RASGRF2: variants seen among roughly 807,000 people sequenced by gnomAD.
The protein encoded by RASGRF2 is ras-specific guanine nucleotide-releasing factor 2.
In RASGRF2, 76 loss-of-function variants were observed where a neutral mutation model predicts 151.0. The observed-to-expected ratio is 0.50, with a 90% CI of 0.42 to 0.61. The LOEUF is 0.61. Among genes scored for constraint, RASGRF2 ranks in the 20% least tolerant of loss-of-function variants. RASGRF2 has a pLI of 0.00. For missense variants in RASGRF2, 1,148 were observed against 1,564.6 expected (o/e 0.73, Z 4.49); for synonymous variants, 504 against 566.5 (o/e 0.89, Z 1.57).
chr5:81,216,703 G>C (rs1755747590), intron 24 of RASGRF2, among the ~76,000 whole-genome samples: 1 of 152,190 alleles, frequency 6.6e-6, no homozygotes, highest in Admixed American at 6.5e-5. Flanking sequence ...TTCAGAGAAT[G>C]TTCCCAGTAT....
intron 12 of RASGRF2, among the ~76,000 whole-genome samples, chr5:81,107,298 GT>G (rs1463639676): frequency 6.6e-6 from 1 of 151,950 alleles, no homozygotes; most frequent in Non-Finnish European, 1.5e-5. Flanking sequence ...GGAGTTTGAG[GT>G]TACGGTGAGC....
At position 81,219,706 on chromosome 5, in the gene RASGRF2, T is replaced by C. The variant is rs1755817606; in HGVS notation, c.3553-4T>C. 1 of 1,605,906 alleles carries C rather than the reference T, an allele frequency of 6.2e-7. No individual in the cohort carries two copies. Among genetic ancestry groups the C allele is most frequent in the Non-Finnish European group, 8.5e-7 (1 of 1,172,806 alleles). ...TCATTTTGTTTTGTTTTTTTCTCTGTTAGATATCACACATCATCAGAGAGA... is the reference window on the plus strand; with the variant it reads ...TCATTTTGTTTTGTTTTTTTCTCTGCTAGATATCACACATCATCAGAGAGA... On this transcript the variant is annotated splice_polypyrimidine_tract_variant and splice_region_variant and intron_variant, in intron 25 of 26. Transcript: ENST00000265080.
chr5:81,216,856 G>A, intron 24 of RASGRF2: 1 of 367,022 alleles, frequency 2.7e-6, no homozygotes, highest in South Asian at 2.1e-5. Context: ...ACCTTAGTCT[G>A]AGTTGTGATG....
chr5:81,050,449 T>G (rs867026115), intron 2 of RASGRF2, among the ~76,000 whole-genome samples: 1 of 152,146 alleles, frequency 6.6e-6, no homozygotes, highest in Non-Finnish European at 1.5e-5. Flanking sequence ...CACTGATATT[T>G]ATTGCTTCCC....
intron 17 of RASGRF2, among the ~76,000 whole-genome samples, chr5:81,150,094 G>C (rs970932749): frequency 6.6e-6 from 1 of 152,168 alleles, no homozygotes; most frequent in East Asian, 1.9e-4. Flanking sequence ...CTGGTGTCTG[G>C]TGATTTGGCA....
intron 1 of RASGRF2, among the ~76,000 whole-genome samples, chr5:81,028,652 A>G (rs1016855865): frequency 2.0e-5 from 3 of 152,226 alleles, no homozygotes; most frequent in African/African-American, 7.2e-5. Flanking sequence ...GAAAATAAAA[A>G]ATTTGCTATT....
At chr5:81,215,778 C>T (rs939403433) in intron 23 of RASGRF2, 98 bp from the exon 24 acceptor site, 6 of 1,343,906 alleles carry the variant, frequency 4.5e-6, no homozygotes, top group Admixed American at 3.7e-5. Context: ...GGTGTCAGCA[C>T]CTGTCACCAA....
At chr5:81,046,844 G>A in intron 2 of RASGRF2, among the ~76,000 whole-genome samples, 1 of 152,098 alleles carries the variant, frequency 6.6e-6, no homozygotes, top group South Asian at 2.1e-4. Context: ...CATGGACCAA[G>A]CAAAGTATCA....
intron 17 of RASGRF2, among the ~76,000 whole-genome samples, chr5:81,131,556 T>C (rs965894290): frequency 1.3e-5 from 2 of 152,182 alleles, no homozygotes; most frequent in South Asian, 2.1e-4. Flanking sequence ...GGTTTCACCA[T>C]GTTGGCCAGG....
intron 17 of RASGRF2, among the ~76,000 whole-genome samples, chr5:81,152,277 C>T (rs774547954): frequency 2.0e-5 from 3 of 152,190 alleles, no homozygotes; most frequent in Non-Finnish European, 4.4e-5. Context: ...GCTGAGATTA[C>T]AGGCATGAAC....
At position 81,155,213 on chromosome 5, in the gene RASGRF2, A is replaced by G. The variant is rs570303045; in HGVS notation, c.2687-24962A>G. Among the ~76,000 whole-genome samples the G allele has an allele frequency of 2.0e-5, 3 of 152,328 alleles. No individual in the cohort carries two copies. In the East Asian group the frequency reaches 5.8e-4, roughly 29 times the overall value. On this transcript the variant is annotated intron_variant, in intron 17 of 26. Transcript: ENST00000265080. The stretch of plus-strand genomic sequence containing the variant: ...ATATCTACATTAGAGAAGAAAAATG[A>G]TCTCGAATCAGTCATTTAAGTTTCC...
intron 23 of RASGRF2, 39 bp from the exon 24 acceptor site, chr5:81,215,837 A>G: frequency 6.7e-7 from 1 of 1,484,806 alleles, no homozygotes; most frequent in Admixed American, 2.7e-5. Context: ...TTTAAACCAT[A>G]GTATTTTCAT....
intron 1 of RASGRF2, among the ~76,000 whole-genome samples, chr5:81,036,326 C>A (rs1246034620): frequency 3.3e-5 from 5 of 152,012 alleles, no homozygotes; most frequent in African/African-American, 1.2e-4. Context: ...TCCCACTCTC[C>A]TGTTCTGTAT....
intron 1 of RASGRF2, among the ~76,000 whole-genome samples, chr5:80,995,397 TATACAC>T (rs57873549): frequency 0.39 from 41,172 of 106,832 alleles, 5,839 homozygotes; most frequent in Admixed American, 0.48. Context: ...TATATATATA[TATACAC>T]ACACACACAC....
intron 1 of RASGRF2, among the ~76,000 whole-genome samples, chr5:80,989,688 C>T (rs1449299246): frequency 6.6e-6 from 1 of 152,166 alleles, no homozygotes; most frequent in East Asian, 1.9e-4. Context: ...AGGGAGCTAG[C>T]CTGCTCTCCT....
At chr5:81,122,470 T>C (rs1753335690) in intron 15 of RASGRF2, among the ~76,000 whole-genome samples, 1 of 152,238 alleles carries the variant, frequency 6.6e-6, no homozygotes, top group Non-Finnish European at 1.5e-5. Flanking sequence ...TTCCTTTTCC[T>C]GGCCCCTTTG....
At chr5:81,088,359 G>A (rs1272086217) in intron 9 of RASGRF2, 1 of 152,288 alleles carries the variant, frequency 6.6e-6, no homozygotes. Context: ...CAGTTAGAAT[G>A]GATTTACCTT....
chr5:80,967,784 C>T (rs1476824695), intron 1 of RASGRF2, among the ~76,000 whole-genome samples: 1 of 152,118 alleles, frequency 6.6e-6, no homozygotes, highest in African/African-American at 2.4e-5. Flanking sequence ...GTCTAAGGCT[C>T]AGTAGATAAC....
intron 18 of RASGRF2, among the ~76,000 whole-genome samples, chr5:81,185,524 C>T (rs1173619197): frequency 2.0e-5 from 3 of 152,128 alleles, no homozygotes; most frequent in Non-Finnish European, 4.4e-5. Context: ...ACAGACATTG[C>T]CAGGGTCAGG....
Sources: allele counts gnomAD v4.1 joint callset (sites outside exome capture counted in the v4.1 genomes callset), GRCh38; gene constraint gnomAD v4.1.1; transcripts MANE v1.5; gene names NCBI Gene and HGNC (gene_info 2026-07-23, HGNC 2026-07-21).